Variants in CCDC150 observed in about 807,000 individuals in gnomAD.
The protein encoded by CCDC150 is coiled-coil domain containing 150, also known as coiled-coil domain-containing protein 150.
A neutral mutation model predicts 156.5 loss-of-function variants in CCDC150; 151 were observed. That is an observed-to-expected ratio of 0.97 (90% CI 0.85 to 1.10). The LOEUF is 1.10. Among genes scored for constraint, CCDC150 ranks in the 50% least tolerant of loss-of-function variants. The pLI is 0.00. For missense variants in CCDC150, 1,312 were observed against 1,268.1 expected, an observed-to-expected ratio of 1.03 and a Z score of -0.53; for synonymous variants, 452 against 429.4, an observed-to-expected ratio of 1.05 and a Z score of -0.65.
chr2:196,642,833 G>C (rs1692316516), intron 1 of CCDC150, among the ~76,000 whole-genome samples: 1 of 152,116 alleles, frequency 6.6e-6, no homozygotes, highest in Non-Finnish European at 1.5e-5. Flanking sequence ...TCTACCTCCT[G>C]GGCTCAAGTG....
chr2:196,655,477 G>C (rs1273895191), intron 2 of CCDC150, among the ~76,000 whole-genome samples: 2 of 152,186 alleles, frequency 1.3e-5, no homozygotes, highest in East Asian at 1.9e-4. Context: ...CAAGTACCAA[G>C]CTCTCATTTA....
intron 2 of CCDC150, among the ~76,000 whole-genome samples, chr2:196,654,136 C>A (rs1693045711): frequency 6.6e-6 from 1 of 152,284 alleles, no homozygotes; most frequent in East Asian, 1.9e-4. Context: ...CCAGGCCTTA[C>A]CTCCAACAAT....
chr2:196,732,478 C>T lies in CCDC150; in HGVS notation c.3222C>T (p.Asn1074=). Residue 1074 remains asparagine (N), a synonymous_variant, in exon 28 of 28, where the codon AAC becomes AAT. Transcript: ENST00000389175. ...DQDVKHDVMS[N]QSVLHRWERK... The stretch of plus-strand genomic sequence containing the variant: ...ATGTAAAACATGATGTCATGTCCAA[C>T]CAATCTGTTCTGCATCGATGGGAGA... The T allele has an allele frequency of 6.2e-7, 1 of 1,613,570 alleles. No homozygotes were observed. Among genetic ancestry groups the T allele is most frequent in the East Asian group, 2.2e-5 (1 of 44,864 alleles).
At chr2:196,711,466 C>A (rs534990254) in intron 15 of CCDC150, among the ~76,000 whole-genome samples, 1 of 151,904 alleles carries the variant, frequency 6.6e-6, no homozygotes, top group Non-Finnish European at 1.5e-5. Flanking sequence ...GGTTCGGTAA[C>A]GTTAATTGTT....
At chr2:196,674,576 A>G (rs1694386341) in intron 10 of CCDC150, among the ~76,000 whole-genome samples, 1 of 152,164 alleles carries the variant, frequency 6.6e-6, no homozygotes, top group African/African-American at 2.4e-5. Context: ...AGGAAAAATA[A>G]TTATTTGTCC....
chr2:196,692,121 ATTTTTTTTTTTTT>A (rs1161513452), intron 13 of CCDC150, among the ~76,000 whole-genome samples: 13 of 62,048 alleles, frequency 2.1e-4, no homozygotes, highest in Non-Finnish European at 2.9e-4. Flanking sequence ...TTGAGATCTA[ATTTTTTTTTTTTT>A]TTTTTTTTTT....
chr2:196,732,313 C>A, intron 27 of CCDC150, 133 bp from the exon 28 acceptor site: 1 of 1,137,478 alleles, frequency 8.8e-7, no homozygotes, highest in Non-Finnish European at 1.3e-6. Flanking sequence ...TTACAAAGTT[C>A]CACCTGTCAC....
intron 19 of CCDC150, chr2:196,720,325 C>T (rs1056046581): frequency 6.7e-6 from 3 of 446,818 alleles, no homozygotes; most frequent in Non-Finnish European, 1.3e-5. Flanking sequence ...TTTAAAAGGT[C>T]AAGGGAATGG....
At chr2:196,698,823 A>G (rs1346988040) in intron 14 of CCDC150, among the ~76,000 whole-genome samples, 1 of 152,138 alleles carries the variant, frequency 6.6e-6, no homozygotes, top group Non-Finnish European at 1.5e-5. Flanking sequence ...TATATCTCCT[A>G]ATGCTATCCC....
At chr2:196,661,632 A>G (rs1420816184) in intron 5 of CCDC150, among the ~76,000 whole-genome samples, 3 of 152,226 alleles carry the variant, frequency 2.0e-5, no homozygotes, top group Non-Finnish European at 2.9e-5. Context: ...AGAGGGTTAT[A>G]TACAGATAGG....
At position 196,725,953 on chromosome 2, in the gene CCDC150, A is replaced by C; in HGVS notation, c.2430-20A>C. On this transcript the variant is annotated intron_variant, in intron 21 of 27. Coordinates refer to ENST00000389175, the MANE Select transcript of CCDC150 (RefSeq NM_001080539.2). Reference sequence around the variant, plus strand: ...AAATGATTTCTAAAGGTGACTTATCACCTCTCTTCTTCAAAACAGAGACCG... The same window carrying C: ...AAATGATTTCTAAAGGTGACTTATCCCCTCTCTTCTTCAAAACAGAGACCG... 6.3e-7 allele frequency: 1 copy of C among 1,575,312 alleles called. No homozygotes were observed. Among genetic ancestry groups the C allele is most frequent in the Non-Finnish European group, 8.6e-7 (1 of 1,159,576 alleles).
At position 196,672,384 on chromosome 2, in the gene CCDC150, G is replaced by T; in HGVS notation, c.976G>T (p.Ala326Ser). 2 of 1,547,068 alleles carry T rather than the reference G, an allele frequency of 1.3e-6. No individual in the cohort carries two copies. Among genetic ancestry groups the T allele is most frequent in the Non-Finnish European group, 1.7e-6 (2 of 1,149,500 alleles). The change falls in exon 9 of 28, where the codon GCA (alanine) becomes TCA (serine). Residue 326 changes from alanine (A) to serine (S), a missense_variant. By Grantham distance (99) the Ala-to-Ser change is moderately conservative. Transcript: ENST00000389175. ...ISFNKEHEEN[A>S]YLRSEIMSLH... Reference sequence around the variant, plus strand: ...TTTCAACAAGGAACATGAAGAAAATGCATATTTGAGGTCCGAAATAATGTC... The same window carrying T: ...TTTCAACAAGGAACATGAAGAAAATTCATATTTGAGGTCCGAAATAATGTC...
Position 196,647,573 on chromosome 2 carries a change from G to T in CCDC150, c.176+1069G>T, listed in dbSNP as rs754306248. On this transcript the variant is annotated intron_variant, in intron 2 of 27. Coordinates refer to ENST00000389175, the MANE Select transcript of CCDC150 (RefSeq NM_001080539.2). ...AAGAAATATATTTAAAATTGGAGTG[G>T]TTAATAAATGCTTGTTAACTAGTCT... Among the ~76,000 whole-genome samples, 81 of 151,996 alleles carry T rather than the reference G, an allele frequency of 5.3e-4. 2 individuals are homozygous for T. Among genetic ancestry groups the T allele is most frequent in the Admixed American group, 3.1e-3 (48 of 15,278 alleles).
intron 5 of CCDC150, among the ~76,000 whole-genome samples, chr2:196,659,506 A>G (rs1285581106): frequency 6.6e-6 from 1 of 152,200 alleles, no homozygotes; most frequent in African/African-American, 2.4e-5. Flanking sequence ...TTTTTAGGAA[A>G]ATTCTTATGC....
At chr2:196,688,233 A>G (rs1485813445) in intron 13 of CCDC150, among the ~76,000 whole-genome samples, 1 of 152,180 alleles carries the variant, frequency 6.6e-6, no homozygotes, top group African/African-American at 2.4e-5. Context: ...CTTATCCATG[A>G]GCATGGAATG....
intron 5 of CCDC150, among the ~76,000 whole-genome samples, chr2:196,664,671 C>G (rs1354991194): frequency 6.6e-6 from 1 of 152,294 alleles, no homozygotes; most frequent in East Asian, 1.9e-4. Flanking sequence ...CAGCCCTTCT[C>G]CCCTCGTTAG....
At chr2:196,721,045 A>C (rs1388963307) in intron 20 of CCDC150, among the ~76,000 whole-genome samples, 1 of 152,078 alleles carries the variant, frequency 6.6e-6, no homozygotes, top group Non-Finnish European at 1.5e-5. Flanking sequence ...ACAGGTATAT[A>C]TTTACTTACA....
chr2:196,643,543 A>G lies in CCDC150; in HGVS notation c.13-2798A>G, dbSNP rs939627845. Among the ~76,000 whole-genome samples, 11 of 152,388 alleles carry G rather than the reference A, an allele frequency of 7.2e-5. No homozygotes were observed. In the Middle Eastern group the frequency reaches 0.01, roughly 141 times the overall value. On this transcript the variant is annotated intron_variant, in intron 1 of 27. Transcript: ENST00000389175. Reference sequence around the variant, plus strand: ...TCATAGGTTCCTTAGGGAAATATCAACAAAACTAAACATTTGAACAATTAC... The same window carrying G: ...TCATAGGTTCCTTAGGGAAATATCAGCAAAACTAAACATTTGAACAATTAC...
At chr2:196,716,846 CTTTTTTTTTTT>C (rs775962426) in intron 17 of CCDC150, among the ~76,000 whole-genome samples, 1 of 74,368 alleles carries the variant, frequency 1.3e-5, no homozygotes, top group Non-Finnish European at 2.7e-5. Context: ...AAATAACATT[CTTTTTTTTTTT>C]TTTTTTTTTT....
Sources: gnomAD v4.1 joint callset for allele counts (sites outside exome capture counted in the v4.1 genomes callset) on GRCh38, gnomAD v4.1.1 for gene constraint, MANE v1.5 for transcripts, NCBI Gene and HGNC (gene_info 2026-07-23, HGNC 2026-07-21) for gene names.